The following BACH2 variants were observed in gnomAD, a reference collection of about 807,000 sequenced individuals.
The protein encoded by BACH2 is transcription regulator protein BACH2.
BACH2 carries 5 observed loss-of-function variants against 61.8 expected under a neutral mutation model. The observed-to-expected ratio is 0.08, with a 90% CI of 0.04 to 0.17. The LOEUF is 0.17. Ranked by LOEUF, BACH2 falls within the 10% of genes least tolerant of loss-of-function variation. The probability of loss-of-function intolerance (pLI) is 1.00; values close to 1 mark genes in which losing one functional copy is unlikely to be tolerated. For missense variants in BACH2, 824 were observed against 1,091.1 expected, an observed-to-expected ratio of 0.76 and a Z score of 3.45; for synonymous variants, 446 against 440.1, an observed-to-expected ratio of 1.01 and a Z score of -0.17.
intron 1 of BACH2, among the ~76,000 whole-genome samples, chr6:90,291,107 C>T (rs1444080974): frequency 6.6e-6 from 1 of 152,004 alleles, no homozygotes; most frequent in Non-Finnish European, 1.5e-5. Context: ...AACCAAAGGG[C>T]AATTCATTAT....
intron 6 of BACH2, among the ~76,000 whole-genome samples, chr6:90,000,171 C>T (rs560077984): frequency 6.6e-6 from 1 of 152,280 alleles, no homozygotes; most frequent in East Asian, 1.9e-4. Flanking sequence ...CCACAGCCTC[C>T]AGGGCTGGAG....
At chr6:90,077,906 A>G (rs1258325115) in intron 5 of BACH2, among the ~76,000 whole-genome samples, 1 of 152,188 alleles carries the variant, frequency 6.6e-6, no homozygotes, top group African/African-American at 2.4e-5. Context: ...AGGCTAACAA[A>G]AAAGTTATGT....
chr6:90,047,210 CT>C (rs1171445389), intron 5 of BACH2, among the ~76,000 whole-genome samples: 2 of 152,260 alleles, frequency 1.3e-5, no homozygotes, highest in African/African-American at 4.8e-5. Context: ...GCGTGAGCCA[CT>C]GTGCCTGTCC....
intron 5 of BACH2, among the ~76,000 whole-genome samples, chr6:90,069,719 A>G (rs1781133716): frequency 6.6e-6 from 1 of 152,260 alleles, no homozygotes; most frequent in African/African-American, 2.4e-5. Context: ...TAAACTTTGT[A>G]TTCATTAGAA....
At chr6:89,948,351 C>T (rs1327361657) in intron 7 of BACH2, among the ~76,000 whole-genome samples, 2 of 152,096 alleles carry the variant, frequency 1.3e-5, no homozygotes, top group Non-Finnish European at 2.9e-5. Context: ...GGACTACTGG[C>T]ACGAGCCACC....
At chr6:90,211,907 C>G (rs1769367882) in intron 3 of BACH2, among the ~76,000 whole-genome samples, 3 of 152,198 alleles carry the variant, frequency 2.0e-5, no homozygotes, top group Admixed American at 6.5e-5. Context: ...GACTCTTGTT[C>G]CTACCCTTCC....
Position 89,941,555 on chromosome 6 carries a change from C to G in BACH2, c.1837-3205G>C, listed in dbSNP as rs573229456. On this transcript the variant is annotated intron_variant, in intron 7 of 8. Coordinates refer to ENST00000257749, the MANE Select transcript of BACH2 (RefSeq NM_021813.4). ...TGGGCTCGGGAAAGGCCTTTGTGCA[C>G]GGGGCTGTGTTTGCACAGGGCTTCT... Among the ~76,000 whole-genome samples the G allele has an allele frequency of 2.0e-5, 3 of 152,266 alleles. No individual in the cohort carries two copies. The South Asian group carries it at 6.2e-4, about 32-fold the overall frequency.
At chr6:89,978,971 G>A (rs989630674) in intron 6 of BACH2, among the ~76,000 whole-genome samples, 1 of 152,116 alleles carries the variant, frequency 6.6e-6, no homozygotes, top group African/African-American at 2.4e-5. Flanking sequence ...AGAAAGAGCC[G>A]CTAGCTCATT....
At chr6:90,174,102 C>T (rs1045595985) in intron 4 of BACH2, among the ~76,000 whole-genome samples, 12 of 151,608 alleles carry the variant, frequency 7.9e-5, no homozygotes, top group African/African-American at 2.7e-4. Flanking sequence ...ATATATAAAC[C>T]CAAAAATAAA....
chr6:90,213,328 C>T (rs1769420289), intron 3 of BACH2, among the ~76,000 whole-genome samples: 1 of 152,220 alleles, frequency 6.6e-6, no homozygotes, highest in Non-Finnish European at 1.5e-5. Context: ...ATGTTGGAAA[C>T]TCATGCTAAT....
At chr6:90,216,777 G>C (rs1769552734) in intron 3 of BACH2, among the ~76,000 whole-genome samples, 1 of 152,168 alleles carries the variant, frequency 6.6e-6, no homozygotes, top group Admixed American at 6.5e-5. Context: ...TCTCCCAGGG[G>C]ACATCTGGCA....
intron 5 of BACH2, among the ~76,000 whole-genome samples, chr6:90,025,815 T>C (rs1778605459): frequency 6.6e-6 from 1 of 152,250 alleles, no homozygotes; most frequent in African/African-American, 2.4e-5. Context: ...CAATCTTCAG[T>C]CTGCCTGGAT....
intron 5 of BACH2, among the ~76,000 whole-genome samples, chr6:90,043,331 G>A (rs1045712615): frequency 2.0e-5 from 3 of 152,140 alleles, no homozygotes; most frequent in African/African-American, 4.8e-5. Context: ...GGATTAATGA[G>A]GGAGTGAGTC....
intron 6 of BACH2, among the ~76,000 whole-genome samples, chr6:89,970,712 C>T (rs1181113003): frequency 1.3e-5 from 2 of 152,156 alleles, no homozygotes; most frequent in African/African-American, 2.4e-5. Context: ...CCCCCCAGAT[C>T]TTACAACAAG....
chr6:90,097,459 T>C (rs772894580), intron 4 of BACH2, among the ~76,000 whole-genome samples: 19 of 152,164 alleles, frequency 1.2e-4, no homozygotes, highest in South Asian at 1.0e-3. Context: ...CCAGGTCCCA[T>C]AGCCAGTGAG....
intron 3 of BACH2, among the ~76,000 whole-genome samples, chr6:90,244,610 A>T (rs1232435510): frequency 6.6e-6 from 1 of 152,088 alleles, no homozygotes; most frequent in Non-Finnish European, 1.5e-5. Flanking sequence ...CCCCCTTCAC[A>T]CGCGCACACA....
chr6:89,996,364 T>C (rs1225884619), intron 6 of BACH2, among the ~76,000 whole-genome samples: 2 of 152,232 alleles, frequency 1.3e-5, no homozygotes. Flanking sequence ...ATGCATTCCA[T>C]TGCTAGACAG....
Position 89,932,694 on chromosome 6 carries a change from G to T in BACH2, c.2240C>A (p.Ala747Glu). ...AATGTTCTGCTCAGCACCCAAGGGC[G>T]CAGGGTTAATACTGGAGGCCGTGGG... Reference protein sequence around the residue: ...DLPTASSINPAPLGAEQNIAA... With the variant: ...DLPTASSINPEPLGAEQNIAA... The change falls in exon 9 of 9, where the codon GCG (alanine) becomes GAG (glutamate). Residue 747 changes from alanine (A) to glutamate (E), a missense_variant. Physicochemically the swap from Ala to Glu is moderately radical, Grantham distance 107 (BLOSUM62 -1). Around this residue, in one of 8 missense-constraint regions of BACH2, gnomAD observed 135 missense variants for 142.7 expected, o/e 0.95. Transcript: ENST00000257749. The T allele has an allele frequency of 6.2e-7, 1 of 1,614,170 alleles. No homozygotes were observed. The highest frequency in any genetic ancestry group is 8.5e-7 in the Non-Finnish European group (1 of 1,180,014).
At chr6:90,022,018 C>T (rs372826836) in intron 5 of BACH2, among the ~76,000 whole-genome samples, 9 of 152,160 alleles carry the variant, frequency 5.9e-5, no homozygotes, top group East Asian at 1.9e-4. Context: ...GAATGGTTCT[C>T]GTAATTCAGT....
Sources: gnomAD v4.1 joint callset for allele counts (sites outside exome capture counted in the v4.1 genomes callset) on GRCh38, gnomAD v4.1.1 for gene constraint, gnomAD v4.1.1 regional missense constraint, MANE v1.5 for transcripts, NCBI Gene and HGNC (gene_info 2026-07-23, HGNC 2026-07-21) for gene names.